The following ZNF276 variants were observed in gnomAD, a reference collection of about 807,000 sequenced individuals.
ZNF276 encodes centromere protein Z.
In ZNF276, 59 loss-of-function variants were observed where a neutral mutation model predicts 63.9. The ratio of observed to expected loss-of-function variants is 0.92; its 90% confidence interval spans 0.75 to 1.15. ZNF276 has a LOEUF of 1.15. Ranked by LOEUF, ZNF276 falls within the 50% of genes most tolerant of loss-of-function variation. ZNF276 has a pLI of 0.00. For synonymous variants in ZNF276, 496 were observed against 348.4 expected (o/e 1.42, Z -4.72); for missense variants, 1,084 against 843.8 (o/e 1.28, Z -3.53).
chr16:89,721,694 CG>C lies in ZNF276; in HGVS notation c.58del (p.Ala20ProfsTer169). The C allele has an allele frequency of 7.2e-7, 1 of 1,394,984 alleles. No homozygotes were observed. Among genetic ancestry groups the C allele is most frequent in the Non-Finnish European group, 9.3e-7 (1 of 1,075,706 alleles). 86.4% of individuals were successfully genotyped at this position (1,394,984 alleles called of 1,614,324 possible). ...TGTCTCCTGGGTCGTCCCGACAGTG[CG>C]GGGCCTCGGACGGCGGCGGCGGCGT... ...FLSPGSSRQC[G>X]ASDGGGGVSR... On this transcript the variant is annotated frameshift_variant, in exon 1 of 11. Coordinates refer to ENST00000443381, the MANE Select transcript of ZNF276 (RefSeq NM_001113525.2). LOFTEE classifies it high-confidence loss of function.
At chr16:89,724,930 A>C (rs1202547782) in intron 4 of ZNF276, among the ~76,000 whole-genome samples, 1 of 152,056 alleles carries the variant, frequency 6.6e-6, no homozygotes, top group Non-Finnish European at 1.5e-5. Context: ...TTATTTACCT[A>C]CTTATCTATC....
intron 4 of ZNF276, among the ~76,000 whole-genome samples, chr16:89,725,775 A>T: frequency 6.6e-6 from 1 of 152,138 alleles, no homozygotes; most frequent in Middle Eastern, 3.2e-3. Context: ...TGACCGACAG[A>T]GCAAGATTCT....
chr16:89,727,132 G>C lies in ZNF276; in HGVS notation c.1007-147G>C, dbSNP rs1321041916. 5.0e-6 allele frequency: 4 copies of C among 804,714 alleles called. No individual in the cohort carries two copies. In the African/African-American group the frequency reaches 5.1e-5, roughly 10 times the overall value. 49.8% of individuals were successfully genotyped at this position (804,714 alleles called of 1,614,324 possible). ...GATCAGAGGCTGCATAGCACCCTTG[G>C]TGGGGATGGGGCCATGGTGGGGAGA... On this transcript the variant is annotated intron_variant, in intron 4 of 10. Transcript: ENST00000443381.
At chr16:89,730,581 GCA>G (rs2061613261) in intron 6 of ZNF276, among the ~76,000 whole-genome samples, 1 of 152,208 alleles carries the variant, frequency 6.6e-6, no homozygotes, top group Non-Finnish European at 1.5e-5. Context: ...CCCCAGGAGT[GCA>G]GACAAAGACG....
At position 89,737,962 on chromosome 16, in the gene ZNF276, CCT is replaced by C; in HGVS notation, c.1575-11_1575-10del. 1.9e-6 allele frequency: 3 copies of C among 1,614,126 alleles called. No homozygotes were observed. The highest frequency in any genetic ancestry group is 1.7e-6 in the Non-Finnish European group (2 of 1,179,984). ...TGTGGCCCTCGCACCTTCTTATCTG[CCT>C]CTGTCCCCCAGGTGTGAGGTCTGTG... On this transcript the variant is annotated splice_polypyrimidine_tract_variant and intron_variant, in intron 10 of 10. Coordinates refer to ENST00000443381, the MANE Select transcript of ZNF276 (RefSeq NM_001113525.2).
chr16:89,729,182 TCTGTCA>T, intron 5 of ZNF276, 47 bp from the exon 6 acceptor site: 1 of 1,488,552 alleles, frequency 6.7e-7, no homozygotes. Context: ...TCGTGTTGGG[TCTGTCA>T]CTGCCCAGGC....
chr16:89,722,787 G>T lies in ZNF276; in HGVS notation c.462G>T (p.Leu154=). Residue 154 remains leucine, a synonymous_variant, in exon 2 of 11, where the codon CTG becomes CTT. Coordinates refer to ENST00000443381, the MANE Select transcript of ZNF276 (RefSeq NM_001113525.2). ...GCCACAGCCTTCTCAAGTCCTTCCT[G>T]CAGAGGGTCAACGCCTCCCCGGCTG... ...YQCHSLLKSF[L]QRVNASPAGR... is the part of the protein sequence containing the mutation. The T allele has an allele frequency of 6.2e-7, 1 of 1,608,332 alleles. No homozygotes were observed.
chr16:89,732,904 C>T (rs1018674286), intron 6 of ZNF276: 5 of 295,606 alleles, frequency 1.7e-5, no homozygotes, highest in Non-Finnish European at 3.3e-5. Flanking sequence ...GCGCCCTCGC[C>T]CTCTGCTGTG....
intron 6 of ZNF276, among the ~76,000 whole-genome samples, chr16:89,731,346 C>T (rs1025787095): frequency 3.7e-4 from 57 of 152,334 alleles, no homozygotes; most frequent in African/African-American, 9.9e-4. Flanking sequence ...CTCCGCCTCC[C>T]GAGTTCAAGT....
chr16:89,721,552 C>G lies in ZNF276; in HGVS notation c.-89C>G. On this transcript the variant is annotated 5_prime_UTR_variant, in exon 1 of 11. Transcript: ENST00000443381. ...CCCCTCCCCCGCCCCGCCTCGCTTCCAGCGCGCCGAGCGGAGCCTAACGCC... is the reference window on the plus strand; with the variant it reads ...CCCCTCCCCCGCCCCGCCTCGCTTCGAGCGCGCCGAGCGGAGCCTAACGCC... The G allele has an allele frequency of 7.6e-7, 1 of 1,322,470 alleles. No homozygotes were observed. Among genetic ancestry groups the G allele is most frequent in the Non-Finnish European group, 1.0e-6 (1 of 1,002,386 alleles). The allele number at this position is 1,322,470 out of a possible 1,614,324, so 81.9% of individuals were successfully genotyped here. A position where few individuals can be genotyped will look rare whatever the true frequency, so the allele number is the denominator to read the frequency against.
intron 6 of ZNF276, among the ~76,000 whole-genome samples, chr16:89,731,292 T>C (rs767325621): frequency 1.3e-5 from 2 of 152,228 alleles, no homozygotes; most frequent in Admixed American, 1.3e-4. Flanking sequence ...CTTGCTCTGT[T>C]GCCCAGACTG....
Position 89,738,312 on chromosome 16 carries a change from T to G in ZNF276, c.*66T>G, listed in dbSNP as rs1333681680. On this transcript the variant is annotated 3_prime_UTR_variant, in exon 11 of 11. Transcript: ENST00000443381. ...CGCAGTGGCTGTGTCAGCCTCACCC[T>G]TCGTGTGCACCCGCATGGGAGGGTC... The G allele has an allele frequency of 6.6e-7, 1 of 1,524,880 alleles. No homozygotes were observed. The highest frequency in any genetic ancestry group is 2.5e-5 in the East Asian group (1 of 40,708). 94.5% of individuals were successfully genotyped at this position (1,524,880 alleles called of 1,614,324 possible). A position where few individuals can be genotyped will look rare whatever the true frequency, so the allele number is the denominator to read the frequency against.
rs1373748843 is a variant in ZNF276, at chr16:89,740,081, TTGGCAGGTCTG to T, written c.*1839_*1849del. On this transcript the variant is annotated 3_prime_UTR_variant, in exon 11 of 11. Coordinates refer to ENST00000443381, the MANE Select transcript of ZNF276 (RefSeq NM_001113525.2). ...ATTGCTGCACAAACGTGGAAAGCCTTTGGCAGGTCTGTGGTGCTCTGTAAACCGCAGGAGAC... is the reference window on the plus strand; with the variant it reads ...ATTGCTGCACAAACGTGGAAAGCCTTTGGTGCTCTGTAAACCGCAGGAGAC... The T allele has an allele frequency of 6.2e-7, 1 of 1,614,166 alleles. No homozygotes were observed. The highest frequency in any genetic ancestry group is 1.1e-5 in the South Asian group (1 of 91,084).
chr16:89,738,587 A>G lies in ZNF276; in HGVS notation c.*341A>G, dbSNP rs764735826. 2.5e-6 allele frequency: 4 copies of G among 1,612,982 alleles called. No individual in the cohort carries two copies. In the East Asian group the frequency reaches 8.9e-5, roughly 36 times the overall value. ...TTACACGGGAGCTGGGCTGGTGTGC[A>G]GTGGCAGGTCCCGTCAGAAGAGATG... On this transcript the variant is annotated 3_prime_UTR_variant, in exon 11 of 11. Transcript: ENST00000443381.
chr16:89,727,174 C>A (rs1164902318), intron 4 of ZNF276, 105 bp from the exon 5 acceptor site: 2 of 1,186,442 alleles, frequency 1.7e-6, no homozygotes, highest in African/African-American at 1.5e-5. Context: ...GGGTCAGGGA[C>A]CCCAGTCTCC....
At position 89,738,275 on chromosome 16, in the gene ZNF276, C is replaced by T. The variant is rs751338766; in HGVS notation, c.*29C>T. 9 of 1,567,224 alleles carry T rather than the reference C, an allele frequency of 5.7e-6. No homozygotes were observed. In the South Asian group the frequency reaches 5.8e-5, roughly 10 times the overall value. ...CGGCAGTGAGGATGAGCACCTCTAG[C>T]AGCCTGGACTCCGCAGTGGCTGTGT... is the stretch of plus-strand genomic sequence containing the variant. On this transcript the variant is annotated 3_prime_UTR_variant, in exon 11 of 11. Coordinates refer to ENST00000443381, the MANE Select transcript of ZNF276 (RefSeq NM_001113525.2).
At chr16:89,730,027 G>C (rs910836214) in intron 6 of ZNF276, among the ~76,000 whole-genome samples, 1 of 152,164 alleles carries the variant, frequency 6.6e-6, no homozygotes. Flanking sequence ...AAGGTCCAGA[G>C]GGCAGGTGGC....
Position 89,729,238 on chromosome 16 carries a change from C to G in ZNF276, c.1089C>G (p.Asp363Glu). ...AAGATTCTCTCTTAATTCCTAGAGA[C>G]GTCTTGAGTGAAGATGAAAATGACA... ...KDEFSDLSEG[D>E]VLSEDENDKK... The change falls in exon 6 of 11, where the codon GAC becomes GAG. Residue 363 changes from aspartate to glutamate, a missense_variant. Asp to Glu is a conservative substitution (Grantham distance 45). Coordinates refer to ENST00000443381, the MANE Select transcript of ZNF276 (RefSeq NM_001113525.2). The G allele has an allele frequency of 6.2e-7, 1 of 1,613,876 alleles. No individual in the cohort carries two copies. Among genetic ancestry groups the G allele is most frequent in the Non-Finnish European group, 8.5e-7 (1 of 1,179,796 alleles).
intron 4 of ZNF276, among the ~76,000 whole-genome samples, chr16:89,725,466 C>T (rs530508437): frequency 6.6e-6 from 1 of 150,418 alleles, no homozygotes; most frequent in East Asian, 2.0e-4. Flanking sequence ...CAGGTGTGAA[C>T]CACCGCGCCC....
Sources: gnomAD v4.1 joint callset for allele counts (sites outside exome capture counted in the v4.1 genomes callset) on GRCh38, gnomAD v4.1.1 for gene constraint, MANE v1.5 for transcripts, NCBI Gene and HGNC (gene_info 2026-07-23, HGNC 2026-07-21) for gene names.